ROBO2: variants seen among roughly 807,000 people sequenced by gnomAD.
ROBO2 encodes roundabout homolog 2.
ROBO2 carries 53 observed loss-of-function variants against 160.8 expected under a neutral mutation model. The ratio of observed to expected loss-of-function variants is 0.33; its 90% CI spans 0.26 to 0.41. The LOEUF (loss-of-function observed/expected upper bound fraction) is 0.41, where lower values mean the gene tolerates loss of function less well. ROBO2 is among the 10% of genes least tolerant of loss of function. ROBO2 has a pLI of 1.00. For missense variants in ROBO2, 1,577 were observed against 1,722.4 expected (o/e 0.92, Z 1.49); for synonymous variants, 664 against 611.7 (o/e 1.09, Z -1.26).
At chr3:76,489,876 G>A (rs2079719650) in intron 2 of ROBO2, among the ~76,000 whole-genome samples, 1 of 151,886 alleles carries the variant, frequency 6.6e-6, no homozygotes, top group African/African-American at 2.4e-5. Flanking sequence ...AAATATACCT[G>A]AAAACAAAAA....
chr3:76,883,253 G>A (rs919014404), intron 2 of ROBO2, among the ~76,000 whole-genome samples: 7 of 152,030 alleles, frequency 4.6e-5, no homozygotes, highest in African/African-American at 1.7e-4. Context: ...AAAGTCCACA[G>A]CATAAAAGTC....
chr3:77,102,364 C>T (rs1308223007), intron 2 of ROBO2, among the ~76,000 whole-genome samples: 1 of 152,070 alleles, frequency 6.6e-6, no homozygotes, highest in Non-Finnish European at 1.5e-5. Flanking sequence ...GGCGTTTGTT[C>T]ACAAGGTGCC....
chr3:77,482,866 A>G lies in ROBO2; in HGVS notation c.667+1647A>G, dbSNP rs76883692. On this transcript the variant is annotated intron_variant, in intron 4 of 25. Coordinates refer to ENST00000461745, the Ensembl canonical transcript of ROBO2. ...ACCACAAACTCTGGAATAGAAAGAA[A>G]AAAAAAAGCTATATTACTGCAGTAT... is the stretch of plus-strand genomic sequence containing the variant. 7.5e-3 allele frequency among the ~76,000 whole-genome samples: 1,135 copies of G among 152,254 alleles called. 15 individuals are homozygous for G. Among genetic ancestry groups the G allele is most frequent in the African/African-American group, 0.024 (995 of 41,556 alleles).
chr3:76,395,497 CA>C (rs568320732), intron 2 of ROBO2, among the ~76,000 whole-genome samples: 15 of 123,948 alleles, frequency 1.2e-4, no homozygotes, highest in African/African-American at 4.4e-4. Context: ...GAAATAGAGA[CA>C]AAAAAAAACC....
At chr3:76,620,214 G>A (rs924803554) in intron 2 of ROBO2, among the ~76,000 whole-genome samples, 22 of 152,086 alleles carry the variant, frequency 1.4e-4, no homozygotes, top group African/African-American at 5.3e-4. Context: ...ATGACTAAAT[G>A]CCATTTCTCC....
chr3:76,752,538 A>C (rs536917945), intron 2 of ROBO2, among the ~76,000 whole-genome samples: 1 of 151,886 alleles, frequency 6.6e-6, no homozygotes, highest in Admixed American at 6.6e-5. Context: ...GAAGTGTTCA[A>C]GATTGAGGAG....
At position 76,915,869 on chromosome 3, in the gene ROBO2, A is replaced by C. The variant is rs183021329; in HGVS notation, c.110-182145A>C. 6.6e-5 allele frequency among the ~76,000 whole-genome samples: 10 copies of C among 152,230 alleles called. No individual in the cohort carries two copies. In the East Asian group the frequency reaches 1.9e-3, roughly 29 times the overall value. ...ACGGTTCTGGATCAAGGCGCCAGCA[A>C]ATCCAGTGTGTGGTGAGGGCCCACT... On this transcript the variant is annotated intron_variant, in intron 2 of 26. Coordinates refer to the ROBO2 transcript ENST00000487694.
intron 2 of ROBO2, among the ~76,000 whole-genome samples, chr3:76,328,220 G>A (rs1009987909): frequency 2.0e-5 from 3 of 152,136 alleles, no homozygotes; most frequent in Non-Finnish European, 4.4e-5. Context: ...ATTATGATGA[G>A]AGATTATCTA....
intron 2 of ROBO2, among the ~76,000 whole-genome samples, chr3:76,938,258 G>T (rs893991195): frequency 6.6e-6 from 1 of 152,148 alleles, no homozygotes; most frequent in Non-Finnish European, 1.5e-5. Flanking sequence ...GGGAGGCTGA[G>T]GCAGGGGATC....
intron 2 of ROBO2, among the ~76,000 whole-genome samples, chr3:76,602,666 C>T (rs961942212): frequency 8.5e-5 from 13 of 152,212 alleles, no homozygotes; most frequent in African/African-American, 3.1e-4. Flanking sequence ...CCACTGGGCT[C>T]CTCCCATGAC....
chr3:77,194,721 A>G (rs2082161721), intron 2 of ROBO2, among the ~76,000 whole-genome samples: 1 of 152,110 alleles, frequency 6.6e-6, no homozygotes, highest in African/African-American at 2.4e-5. Context: ...GACCTGTTTT[A>G]TTGTTTAAAA....
chr3:77,295,485 G>A (rs1474380222), intron 2 of ROBO2, among the ~76,000 whole-genome samples: 1 of 150,404 alleles, frequency 6.6e-6, no homozygotes, highest in Non-Finnish European at 1.5e-5. Flanking sequence ...TGGGTAAGCT[G>A]AGGCTAGATC....
chr3:76,143,414 T>C (rs2071761262), intron 2 of ROBO2, among the ~76,000 whole-genome samples: 1 of 152,072 alleles, frequency 6.6e-6, no homozygotes, highest in Non-Finnish European at 1.5e-5. Flanking sequence ...CCAACCTTAT[T>C]ATATTTATTA....
chr3:76,331,539 G>A (rs1202283828), intron 2 of ROBO2, among the ~76,000 whole-genome samples: 1 of 151,552 alleles, frequency 6.6e-6, no homozygotes, highest in African/African-American at 2.4e-5. Flanking sequence ...TCCTCTGTTT[G>A]GTTTTAACGA....
chr3:76,702,320 T>C (rs72890218), intron 2 of ROBO2, among the ~76,000 whole-genome samples: 2,679 of 152,162 alleles, frequency 0.018, 99 homozygotes, highest in African/African-American at 0.061. Context: ...AAAATCTTTC[T>C]AACCTATGTA....
intron 2 of ROBO2, among the ~76,000 whole-genome samples, chr3:75,979,316 T>G (rs958100040): frequency 4.6e-5 from 7 of 151,502 alleles, no homozygotes; most frequent in African/African-American, 7.3e-5. Context: ...CACACATATA[T>G]AGAGAGAGAT....
chr3:77,199,023 A>G (rs1047484994), intron 2 of ROBO2, among the ~76,000 whole-genome samples: 1 of 152,216 alleles, frequency 6.6e-6, no homozygotes, highest in Non-Finnish European at 1.5e-5. Flanking sequence ...TCCAGACTCA[A>G]GGGAGACAAG....
chr3:77,585,877 G>A (rs2094033249), intron 16 of ROBO2, among the ~76,000 whole-genome samples: 1 of 152,048 alleles, frequency 6.6e-6, no homozygotes, highest in African/African-American at 2.4e-5. Flanking sequence ...ATTCAGAACT[G>A]GAAACGGCAC....
At chr3:76,913,558 T>G (rs2076119156) in intron 2 of ROBO2, among the ~76,000 whole-genome samples, 1 of 152,240 alleles carries the variant, frequency 6.6e-6, no homozygotes, top group Non-Finnish European at 1.5e-5. Context: ...AGTATTTTTT[T>G]GTATTATAAA....
Sources: gnomAD v4.1 joint callset for allele counts (sites outside exome capture counted in the v4.1 genomes callset) on GRCh38, gnomAD v4.1.1 for gene constraint, MANE v1.5 for transcripts, NCBI Gene and HGNC (gene_info 2026-07-23, HGNC 2026-07-21) for gene names.